ARHGAP32: variants seen among roughly 807,000 people sequenced by gnomAD.
ARHGAP32 encodes the protein rho GTPase-activating protein 32.
A neutral mutation model predicts 186.5 loss-of-function variants in ARHGAP32; 51 were observed. The observed-to-expected ratio is 0.27, with a 90% confidence interval of 0.22 to 0.35. The LOEUF is 0.35. Ranked by LOEUF, ARHGAP32 falls within the 10% of genes least tolerant of loss-of-function variation. The pLI is 1.00. For missense variants in ARHGAP32, 2,186 were observed against 2,623.5 expected (o/e 0.83, Z 3.64); for synonymous variants, 950 against 964.3 (o/e 0.99, Z 0.27).
intron 17 of ARHGAP32, 47 bp from the exon 18 acceptor site, chr11:128,980,795 G>C: frequency 7.2e-7 from 1 of 1,390,010 alleles, no homozygotes; most frequent in Non-Finnish European, 1.0e-6. Flanking sequence ...CTACGTGAGT[G>C]TATTCAATTT....
chr11:129,058,400 A>T (rs1360321555), intron 10 of ARHGAP32, among the ~76,000 whole-genome samples: 1 of 152,194 alleles, frequency 6.6e-6, no homozygotes, highest in African/African-American at 2.4e-5. Context: ...AACTCTAGAT[A>T]TTATCCTTCT....
chr11:129,278,846 G>T (rs1288692338), intron 1 of ARHGAP32, among the ~76,000 whole-genome samples: 1 of 150,722 alleles, frequency 6.6e-6, no homozygotes, highest in Non-Finnish European at 1.5e-5. Flanking sequence ...CCTTGGGCCC[G>T]GGGCGGAGAG....
intron 12 of ARHGAP32, among the ~76,000 whole-genome samples, chr11:128,989,009 T>C (rs1355695545): frequency 1.3e-5 from 2 of 152,134 alleles, no homozygotes; most frequent in East Asian, 3.8e-4. Flanking sequence ...GCTTGGAAAA[T>C]TTGGTCTGCA....
At chr11:129,189,144 G>A (rs1412859253) in intron 1 of ARHGAP32, among the ~76,000 whole-genome samples, 1 of 152,124 alleles carries the variant, frequency 6.6e-6, no homozygotes, top group African/African-American at 2.4e-5. Context: ...TGAGATATCA[G>A]CTGTAGCCTC....
At chr11:129,084,913 C>A (rs774726120) in intron 6 of ARHGAP32, among the ~76,000 whole-genome samples, 7 of 152,116 alleles carry the variant, frequency 4.6e-5, no homozygotes, top group Admixed American at 3.3e-4. Flanking sequence ...ACAAAAAACT[C>A]CTGGCACTAA....
intron 1 of ARHGAP32, among the ~76,000 whole-genome samples, chr11:129,177,469 G>T (rs1242608983): frequency 6.6e-6 from 1 of 152,126 alleles, no homozygotes; most frequent in Non-Finnish European, 1.5e-5. Context: ...CCAAAGCCGG[G>T]CAGAGACACA....
At chr11:129,233,279 T>C (rs1016274099) in intron 1 of ARHGAP32, among the ~76,000 whole-genome samples, 1 of 152,086 alleles carries the variant, frequency 6.6e-6, no homozygotes, top group Non-Finnish European at 1.5e-5. Flanking sequence ...ACAAAATTGG[T>C]CACATATTAA....
intron 19 of ARHGAP32, 33 bp downstream of exon 19, chr11:128,978,737 A>G (rs1945624713): frequency 6.3e-7 from 1 of 1,579,386 alleles, no homozygotes; most frequent in Non-Finnish European, 8.6e-7. Flanking sequence ...CCATCATGAC[A>G]GCAGCAGAAG....
chr11:129,093,149 G>C (rs879545163), intron 6 of ARHGAP32, among the ~76,000 whole-genome samples: 3 of 152,064 alleles, frequency 2.0e-5, no homozygotes, highest in Admixed American at 1.3e-4. Context: ...GTGTGCATCT[G>C]AAGCAGAGAT....
intron 8 of ARHGAP32, 120 bp from the exon 9 acceptor site, chr11:129,064,144 A>AT: frequency 1.1e-6 from 1 of 926,400 alleles, no homozygotes; most frequent in South Asian, 2.4e-5. Context: ...GTCTTAAAAA[A>AT]AAAAACTACC....
intron 10 of ARHGAP32, among the ~76,000 whole-genome samples, chr11:129,060,382 TAAGATAGACAGAC>T (rs1565401800): frequency 6.9e-6 from 1 of 143,886 alleles, no homozygotes; most frequent in East Asian, 2.0e-4. Flanking sequence ...GATAGATAGA[TAAGATAGACAGAC>T]AGACAGACAG....
chr11:129,278,560 G>A (rs527723828), intron 1 of ARHGAP32, among the ~76,000 whole-genome samples: 21 of 152,278 alleles, frequency 1.4e-4, no homozygotes, highest in Non-Finnish European at 2.4e-4. Flanking sequence ...AAGGTACAGG[G>A]GTGGCGAGGA....
upstream of ARHGAP32, among the ~76,000 whole-genome samples, chr11:129,193,828 C>T (rs1298823615): frequency 7.3e-6 from 1 of 136,920 alleles, no homozygotes; most frequent in Non-Finnish European, 1.5e-5. Flanking sequence ...ACATTATAAG[C>T]AAAGTCAAAA....
chr11:129,018,428 G>C (rs1307312727), intron 11 of ARHGAP32, among the ~76,000 whole-genome samples: 1 of 152,178 alleles, frequency 6.6e-6, no homozygotes, highest in Non-Finnish European at 1.5e-5. Flanking sequence ...TTTACAGTTA[G>C]AGTCTTAAGT....
chr11:129,184,741 C>T (rs1417955184), intron 1 of ARHGAP32, among the ~76,000 whole-genome samples: 1 of 151,688 alleles, frequency 6.6e-6, no homozygotes, highest in African/African-American at 2.4e-5. Flanking sequence ...GAACGGGTAA[C>T]AAAATATACA....
intron 1 of ARHGAP32, among the ~76,000 whole-genome samples, chr11:129,190,843 C>T (rs550424171): frequency 6.6e-6 from 1 of 152,166 alleles, no homozygotes; most frequent in African/African-American, 2.4e-5. Flanking sequence ...ATTAGCATAC[C>T]TTGGAAGGGA....
intron 6 of ARHGAP32, among the ~76,000 whole-genome samples, chr11:129,080,993 T>A (rs1186507935): frequency 2.0e-5 from 3 of 151,988 alleles, no homozygotes; most frequent in Admixed American, 1.3e-4. Context: ...GTGCATAAAC[T>A]AGAAAACCTA....
chr11:129,231,579 C>G (rs1444279082), intron 1 of ARHGAP32, among the ~76,000 whole-genome samples: 1 of 152,102 alleles, frequency 6.6e-6, no homozygotes, highest in Non-Finnish European at 1.5e-5. Context: ...CAAAAACTGT[C>G]AACTGTGGAC....
chr11:129,151,673 G>C (rs1048450726), intron 2 of ARHGAP32, among the ~76,000 whole-genome samples: 2 of 152,134 alleles, frequency 1.3e-5, no homozygotes, highest in African/African-American at 4.8e-5. Context: ...TGAGCTGAAT[G>C]ATAATACTGA....
Sources: gnomAD v4.1 joint callset for allele counts (sites outside exome capture counted in the v4.1 genomes callset) on GRCh38, gnomAD v4.1.1 for gene constraint, MANE v1.5 for transcripts, NCBI Gene and HGNC (gene_info 2026-07-23, HGNC 2026-07-21) for gene names.